ZNF335: variants seen among roughly 807,000 people sequenced by gnomAD.
ZNF335 encodes the protein NRC-interacting factor 1.
Under a neutral mutation model 145.6 loss-of-function variants are expected in ZNF335, and 84 were observed. That is an observed-to-expected ratio of 0.58 (90% CI 0.48 to 0.69). ZNF335 has a LOEUF of 0.69. Ranked by LOEUF, ZNF335 falls within the 30% of genes least tolerant of loss-of-function variation. The pLI is 0.00. For synonymous variants in ZNF335, 761 were observed against 717.0 expected, an observed-to-expected ratio of 1.06 and a Z score of -0.98; for missense variants, 1,865 against 1,809.7, an observed-to-expected ratio of 1.03 and a Z score of -0.55.
chr20:45,965,563 G>C (rs2083935718), intron 7 of ZNF335, 65 bp downstream of exon 7: 3 of 1,538,646 alleles, frequency 1.9e-6, no homozygotes, highest in East Asian at 2.5e-5. Flanking sequence ...ACTCCACAGA[G>C]ACAAGCAGGG....
Position 45,948,831 on chromosome 20 carries a change from TGA to T in ZNF335, c.*120_*121del. 1 of 1,486,942 alleles carries T rather than the reference TGA, an allele frequency of 6.7e-7. No individual in the cohort carries two copies. Among genetic ancestry groups the T allele is most frequent in the Non-Finnish European group, 9.2e-7 (1 of 1,088,912 alleles). 92.1% of individuals were successfully genotyped at this position (1,486,942 alleles called of 1,614,324 possible). On this transcript the variant is annotated 3_prime_UTR_variant, in exon 28 of 28. Transcript: ENST00000322927. ...CAGCACAGGTCTGGCTCCCTGGGAA[TGA>T]GAGGATGCTGGCTATCCAGTATCTG...
At position 45,950,219 on chromosome 20, in the gene ZNF335, T is replaced by C. The variant is rs778984335; in HGVS notation, c.3487A>G (p.Thr1163Ala). 5.8e-6 allele frequency: 9 copies of C among 1,546,640 alleles called. No individual in the cohort carries two copies. The highest frequency in any genetic ancestry group is 2.3e-5 in the East Asian group (1 of 44,340). ...CCCTGTGGCCCCAGGGGCAGCTCAC[T>C]GTGCAGGGTGGCCAGTGTTTCGTCA... ...SDDETLATLH[T>A]ALQSSHGVLG... The change falls in exon 22 of 28, where the codon ACT (threonine) becomes GCT (alanine). Residue 1163 changes from threonine (T) to alanine (A), a missense_variant and splice_region_variant. Physicochemically the swap from Thr to Ala is moderately conservative, Grantham distance 58. Transcript: ENST00000322927.
Position 45,971,199 on chromosome 20 carries a change from C to A in ZNF335, c.201+11G>T, listed in dbSNP as rs1353021969. On this transcript the variant is annotated intron_variant, in intron 2 of 27. Transcript: ENST00000322927. ...CTTGCCTCCACCCACGCCGTCCAGC[C>A]GGGTCCATACCTGAGAACGGCTGCC... 6.6e-7 allele frequency: 1 copy of A among 1,526,006 alleles called. No homozygotes were observed. The allele number at this position is 1,526,006 out of a possible 1,614,324, so 94.5% of individuals were successfully genotyped here. A position where few individuals can be genotyped will look rare whatever the true frequency, so the allele number is the denominator to read the frequency against.
Position 45,953,747 on chromosome 20 carries a change from T to C in ZNF335, c.2644A>G (p.Ser882Gly), listed in dbSNP as rs919317191. The C allele has an allele frequency of 6.8e-6, 11 of 1,613,972 alleles. No individual in the cohort carries two copies. The highest frequency in any genetic ancestry group is 5.0e-5 in the Admixed American group (3 of 60,010). ...APGPFGGTGY[S>G]VITAPPMEEG... ...TCCATAGGGGGTGCTGTGATGACAC[T>C]GTAGCCAGTCCCACCAAATGGACCA... The change falls in exon 18 of 28, where the codon AGT becomes GGT. Residue 882 changes from serine (S) to glycine (G), a missense_variant. Ser to Gly is a moderately conservative substitution (Grantham distance 56). Coordinates refer to ENST00000322927, the MANE Select transcript of ZNF335 (RefSeq NM_022095.4).
intron 6 of ZNF335, 87 bp from the exon 7 acceptor site, chr20:45,965,861 C>T (rs887041892): frequency 5.3e-5 from 75 of 1,421,564 alleles, no homozygotes; most frequent in Non-Finnish European, 6.9e-5. Context: ...CTTCCCTACC[C>T]CTGCATACTC....
Position 45,960,853 on chromosome 20 carries a change from G to T in ZNF335, c.1665+11C>A. 6.2e-7 allele frequency: 1 copy of T among 1,613,832 alleles called. No homozygotes were observed. The highest frequency in any genetic ancestry group is 8.5e-7 in the Non-Finnish European group (1 of 1,179,924). On this transcript the variant is annotated intron_variant, in intron 11 of 27. Coordinates refer to ENST00000322927, the MANE Select transcript of ZNF335 (RefSeq NM_022095.4). ...GCAGGTTCCCTTCCCAGGCCAGCACGCCAGACTCACCGGATCTGGCCTCTT... is the reference window on the plus strand; with the variant it reads ...GCAGGTTCCCTTCCCAGGCCAGCACTCCAGACTCACCGGATCTGGCCTCTT...
intron 4 of ZNF335, 122 bp downstream of exon 4, chr20:45,968,163 A>G (rs1600550085): frequency 6.7e-7 from 1 of 1,501,468 alleles, no homozygotes; most frequent in African/African-American, 1.4e-5. Context: ...TCAGTAGGAA[A>G]ACTGAGACCC....
chr20:45,954,282 A>G (rs2083686868), intron 17 of ZNF335, among the ~76,000 whole-genome samples: 1 of 152,160 alleles, frequency 6.6e-6, no homozygotes, highest in African/African-American at 2.4e-5. Flanking sequence ...TGAACACCCC[A>G]TAATGCACAG....
chr20:45,971,845 C>T (rs958112905), intron 1 of ZNF335: 6 of 985,202 alleles, frequency 6.1e-6, no homozygotes, highest in African/African-American at 1.7e-5. Context: ...GTTCGCTCCC[C>T]CCCGGTTCCC....
chr20:45,951,721 T>C (rs1444638740), intron 20 of ZNF335, among the ~76,000 whole-genome samples: 1 of 152,226 alleles, frequency 6.6e-6, no homozygotes. Context: ...GCCTGGTTCC[T>C]AACAGGCCAT....
intron 1 of ZNF335, chr20:45,971,771 C>T (rs1252347703): frequency 1.0e-6 from 1 of 985,258 alleles, no homozygotes; most frequent in Non-Finnish European, 1.2e-6. Flanking sequence ...TTCAGCCCTT[C>T]GGCCCCCGCG....
At chr20:45,967,291 C>T in intron 6 of ZNF335, 1 of 690,974 alleles carries the variant, frequency 1.4e-6, no homozygotes, top group East Asian at 2.7e-5. Flanking sequence ...TGAACAGGGC[C>T]CCCTGTGCTC....
At chr20:45,952,034 C>T (rs2083642329) in intron 20 of ZNF335, 113 bp downstream of exon 20, 5 of 1,412,176 alleles carry the variant, frequency 3.5e-6, no homozygotes, top group Non-Finnish European at 3.7e-6. Context: ...CCCATCTCAT[C>T]CACTCAGAGG....
In ZNF335 at chr20:45,967,901, G is replaced by A. The variant is rs200963656; in HGVS notation, c.647C>T (p.Pro216Leu). The change falls in exon 5 of 28, where the codon CCG becomes CTG. Residue 216 changes from proline (P) to leucine (L), a missense_variant. Coordinates refer to ENST00000322927, the MANE Select transcript of ZNF335 (RefSeq NM_022095.4). ...CLEAQGGPSS[P>L]VQLPPASGAE... ...ACCGGAGGCTGGGGGCAGCTGCACC[G>A]GGGAGCTGGGCCCACCCTGTGCCTC... is the stretch of plus-strand genomic sequence containing the variant. 5.3e-5 allele frequency: 86 copies of A among 1,612,570 alleles called. 2 individuals carry two copies. The African/African-American group carries it at 6.0e-4, about 11-fold the overall frequency.
intron 17 of ZNF335, among the ~76,000 whole-genome samples, chr20:45,955,393 C>T (rs1173824473): frequency 7.0e-6 from 1 of 142,866 alleles, no homozygotes; most frequent in African/African-American, 2.6e-5. Context: ...CTGATAATAC[C>T]CAGTGTATTG....
In ZNF335 at chr20:45,964,595, G is replaced by T. The variant is rs143548886; in HGVS notation, c.1103-605C>A. ...ACAAATTAACAATACAGACAATGCA[G>T]GTAATGTTCTGCTTCTTGACTGGGT... On this transcript the variant is annotated intron_variant, in intron 7 of 27. Transcript: ENST00000322927. 128 of 152,400 alleles carry T rather than the reference G, an allele frequency of 8.4e-4. No individual in the cohort carries two copies. The East Asian group carries it at 0.01, about 12-fold the overall frequency. 9.4% of individuals were successfully genotyped at this position (152,400 alleles called of 1,614,324 possible).
intron 17 of ZNF335, among the ~76,000 whole-genome samples, chr20:45,954,480 G>C (rs2083690525): frequency 6.6e-6 from 1 of 152,180 alleles, no homozygotes; most frequent in Non-Finnish European, 1.5e-5. Flanking sequence ...ACGTAGGTAA[G>C]TATTTTAGAA....
intron 3 of ZNF335, 31 bp from the exon 4 acceptor site, chr20:45,968,393 C>T: frequency 6.3e-7 from 1 of 1,594,194 alleles, no homozygotes; most frequent in Non-Finnish European, 8.6e-7. Flanking sequence ...GTCACACCTC[C>T]TGGGGAGGGG....
At position 45,963,837 on chromosome 20, in the gene ZNF335, T is replaced by A; in HGVS notation, c.1256A>T (p.Asp419Val). The change falls in exon 8 of 28, where the codon GAT becomes GTT. Residue 419 changes from aspartate (D) to valine (V), a missense_variant. Asp to Val is a radical substitution (Grantham distance 152, BLOSUM62 -3). Transcript: ENST00000322927. ...TPVEAGVSQS[D>V]AENAAPSCPD... Reference sequence around the variant, plus strand: ...GCAGGAGGGGGCTGCGTTCTCTGCATCTGACTGGCTCACACCAGCTTCCAC... The same window carrying A: ...GCAGGAGGGGGCTGCGTTCTCTGCAACTGACTGGCTCACACCAGCTTCCAC... 6 of 1,613,664 alleles carry A rather than the reference T, an allele frequency of 3.7e-6. No individual in the cohort carries two copies. Among genetic ancestry groups the A allele is most frequent in the Non-Finnish European group, 5.1e-6 (6 of 1,179,758 alleles).
Sources: allele counts gnomAD v4.1 joint callset (sites outside exome capture counted in the v4.1 genomes callset), GRCh38; gene constraint gnomAD v4.1.1; transcripts MANE v1.5; gene names NCBI Gene and HGNC (gene_info 2026-07-23, HGNC 2026-07-21).